The following FBLN7 variants were observed in gnomAD, a reference collection of about 807,000 sequenced individuals.
FBLN7 encodes the protein fibulin 7, also known as fibulin-7.
FBLN7 carries 31 observed loss-of-function variants against 44.0 expected under a neutral mutation model. The observed-to-expected ratio is 0.70, with a 90% CI of 0.53 to 0.95. FBLN7 has a LOEUF of 0.95. Among genes scored for constraint, FBLN7 ranks in the 40% least tolerant of loss-of-function variants. The pLI is 0.00. For missense variants in FBLN7, 573 were observed against 618.5 expected (o/e 0.93, Z 0.78); for synonymous variants, 262 against 253.4 (o/e 1.03, Z -0.32).
chr2:112,212,638 T>C, the FBLN7 span: 1 of 152,216 alleles, frequency 6.6e-6, no homozygotes, highest in Non-Finnish European at 1.5e-5. Flanking sequence ...GTTAAGTCCA[T>C]GGCTCAGCTG....
At chr2:112,226,605 A>AAAAAAAAAAT in the FBLN7 span, among the ~76,000 whole-genome samples, 2 of 150,026 alleles carry the variant, frequency 1.3e-5, no homozygotes, top group African/African-American at 4.9e-5. Context: ...AAAAAAAAAA[A>AAAAAAAAAAT]GCTCAGGCCC....
chr2:112,138,762 GTGT>G (rs1680477362), intron 1 of FBLN7, 32 bp downstream of exon 1: 342 of 1,545,760 alleles, frequency 2.2e-4, no homozygotes, highest in Non-Finnish European at 2.2e-4. Context: ...CTCCAGGCCA[GTGT>G]CCCTCCCGCC....
chr2:112,172,156 C>A (rs887985440), intron 3 of FBLN7, among the ~76,000 whole-genome samples: 2 of 152,186 alleles, frequency 1.3e-5, no homozygotes, highest in African/African-American at 4.8e-5. Flanking sequence ...ATTAACACAG[C>A]AAATTCCTTA....
the FBLN7 span, among the ~76,000 whole-genome samples, chr2:112,244,527 T>G: frequency 1.3e-5 from 2 of 152,252 alleles, no homozygotes; most frequent in African/African-American, 4.8e-5. Context: ...CATACCTTAT[T>G]TGATGTCCTT....
the FBLN7 span, among the ~76,000 whole-genome samples, chr2:112,221,296 TAGTG>T: frequency 2.6e-5 from 4 of 152,156 alleles, no homozygotes; most frequent in East Asian, 1.9e-4. Context: ...GTCCTAGTGA[TAGTG>T]AGTGAATGCT....
chr2:112,219,111 C>A, the FBLN7 span, among the ~76,000 whole-genome samples: 9 of 152,172 alleles, frequency 5.9e-5, no homozygotes, highest in South Asian at 1.9e-3. Context: ...TCTTAAAATT[C>A]ATATGGGATC....
chr2:112,226,277 C>T, the FBLN7 span, among the ~76,000 whole-genome samples: 1 of 151,272 alleles, frequency 6.6e-6, no homozygotes, highest in Non-Finnish European at 1.5e-5. Context: ...GAAATTGAAT[C>T]TGTTATGTAA....
the FBLN7 span, among the ~76,000 whole-genome samples, chr2:112,197,266 CACACACACAGAG>C: frequency 6.1e-5 from 8 of 130,092 alleles, no homozygotes; most frequent in African/African-American, 1.5e-4. Flanking sequence ...CACACACACA[CACACACACAGAG>C]AGAGAGAGAG....
intron 2 of FBLN7, among the ~76,000 whole-genome samples, chr2:112,160,766 A>ACACGCACG (rs1681782258): frequency 8.5e-5 from 3 of 35,434 alleles, no homozygotes; most frequent in African/African-American, 4.5e-4. Context: ...ACACGCACGC[A>ACACGCACG]CACGCAGACG....
chr2:112,148,619 G>C (rs1454281007), intron 1 of FBLN7, among the ~76,000 whole-genome samples: 1 of 152,222 alleles, frequency 6.6e-6, no homozygotes, highest in Non-Finnish European at 1.5e-5. Context: ...CAGCTCATCT[G>C]GACTGGCCTT....
chr2:112,200,511 G>A, the FBLN7 span, among the ~76,000 whole-genome samples: 1 of 152,012 alleles, frequency 6.6e-6, no homozygotes, highest in Non-Finnish European at 1.5e-5. Context: ...TGGATAAGGC[G>A]TAAATGGTTT....
At chr2:112,196,651 C>G in the FBLN7 span, among the ~76,000 whole-genome samples, 4 of 152,102 alleles carry the variant, frequency 2.6e-5, no homozygotes, top group Non-Finnish European at 4.4e-5. Flanking sequence ...ATGGAAGAGT[C>G]TGATCAGGGC....
the FBLN7 span, among the ~76,000 whole-genome samples, chr2:112,197,144 A>G: frequency 6.6e-6 from 1 of 151,850 alleles, no homozygotes; most frequent in South Asian, 2.1e-4. Flanking sequence ...CCTGGTACCT[A>G]TGAATGTGAT....
intron 3 of FBLN7, 53 bp from the exon 4 acceptor site, chr2:112,175,661 G>T: frequency 1.9e-6 from 3 of 1,603,648 alleles, no homozygotes; most frequent in Non-Finnish European, 2.6e-6. Flanking sequence ...TATTGTATTT[G>T]TTTTAGACCT....
intron 1 of FBLN7, among the ~76,000 whole-genome samples, chr2:112,149,998 G>A (rs1681076517): frequency 6.6e-6 from 1 of 152,174 alleles, no homozygotes; most frequent in Non-Finnish European, 1.5e-5. Flanking sequence ...AGACATGACA[G>A]TTGTTCACAT....
downstream of FBLN7, among the ~76,000 whole-genome samples, chr2:112,191,168 G>GTTTTA (rs541294515): frequency 8.4e-4 from 128 of 151,968 alleles, 1 homozygote; most frequent in African/African-American, 3.0e-3. Flanking sequence ...TAGTGTTTTC[G>GTTTTA]TTTTATTTTA....
the FBLN7 span, among the ~76,000 whole-genome samples, chr2:112,226,413 C>A: frequency 6.6e-6 from 1 of 151,486 alleles, no homozygotes; most frequent in African/African-American, 2.4e-5. Context: ...ACGGTGAAAC[C>A]CCGTCTCTAC....
intron 1 of FBLN7, among the ~76,000 whole-genome samples, chr2:112,144,838 G>A (rs1294467866): frequency 7.2e-5 from 11 of 152,062 alleles, no homozygotes; most frequent in Non-Finnish European, 1.6e-4. Flanking sequence ...ACTGTTTATC[G>A]GTTCACCCAC....
At chr2:112,148,727 T>C (rs1681001842) in intron 1 of FBLN7, among the ~76,000 whole-genome samples, 1 of 152,198 alleles carries the variant, frequency 6.6e-6, no homozygotes, top group Admixed American at 6.5e-5. Flanking sequence ...AGGCCTCTCA[T>C]CCTCCAGGAG....
Sources: allele counts gnomAD v4.1 joint callset (sites outside exome capture counted in the v4.1 genomes callset), GRCh38; gene constraint gnomAD v4.1.1; transcripts MANE v1.5; gene names NCBI Gene and HGNC (gene_info 2026-07-23, HGNC 2026-07-21).